The following TANC2 variants were observed in gnomAD, a reference collection of about 807,000 sequenced individuals.
TANC2 encodes protein TANC2.
TANC2 carries 26 observed loss-of-function variants against 210.5 expected under a neutral mutation model. That is an observed-to-expected ratio of 0.12 (90% CI 0.09 to 0.17). The LOEUF (loss-of-function observed/expected upper bound fraction) is 0.17. Among genes scored for constraint, TANC2 ranks in the 10% least tolerant of loss-of-function variants. The pLI is 1.00. For missense variants in TANC2, 2,129 were observed against 2,608.9 expected (o/e 0.82, Z 4.01); for synonymous variants, 931 against 967.1 (o/e 0.96, Z 0.69).
rs982898197 is a variant in TANC2, at chr17:62,966,657, C to T, written c.-116C>T. Among the ~76,000 whole-genome samples the T allele has an allele frequency of 1.3e-5, 2 of 151,826 alleles. No individual in the cohort carries two copies. The highest frequency in any genetic ancestry group is 2.4e-5 in the African/African-American group (1 of 41,380). On this transcript the variant is annotated 5_prime_UTR_variant, in exon 1 of 28. Transcript: ENST00000689528. This position sits in a 1 kb window ranked among gnomAD's most constrained non-coding sequence, Gnocchi z 5.1. ...GAGGACTGCGAGGTGCTCCGGGAAT[C>T]GCGGGCGGCGCCGGCGGGCGGCGCG...
intron 14 of TANC2, among the ~76,000 whole-genome samples, chr17:63,358,376 A>AGAGAGAGAGT (rs1470682571): frequency 1.2e-5 from 1 of 80,940 alleles, no homozygotes; most frequent in African/African-American, 3.7e-5. Flanking sequence ...AGAGAGAGAG[A>AGAGAGAGAGT]GTATGTGTGT....
chr17:63,076,926 A>G (rs745933759), intron 3 of TANC2, among the ~76,000 whole-genome samples: 2 of 152,234 alleles, frequency 1.3e-5, no homozygotes, highest in African/African-American at 2.4e-5. Flanking sequence ...CAGGAATTTC[A>G]GTATTCAAAT....
Position 63,026,873 on chromosome 17 carries a change from G to T in TANC2, c.67+17247G>T, listed in dbSNP as rs150338704. On this transcript the variant is annotated intron_variant, in intron 2 of 27. Transcript: ENST00000689528. ...CTGTACTGCAATATTTTAGCCTAAA[G>T]ATTTATTCCCTGATCATCTACTTTC... Among the ~76,000 whole-genome samples, 314 of 152,210 alleles carry T rather than the reference G, an allele frequency of 2.1e-3. 1 individual carries two copies. The highest frequency in any genetic ancestry group is 3.5e-3 in the Non-Finnish European group (238 of 67,992).
At chr17:63,293,649 A>G (rs1411728115) in intron 9 of TANC2, among the ~76,000 whole-genome samples, 1 of 151,990 alleles carries the variant, frequency 6.6e-6, no homozygotes, top group Non-Finnish European at 1.5e-5. Context: ...TTATATTTGC[A>G]TTTGACTGGA....
chr17:63,193,934 A>G, intron 5 of TANC2, 57 bp from the exon 6 acceptor site: 2 of 1,497,880 alleles, frequency 1.3e-6, no homozygotes, highest in Non-Finnish European at 1.8e-6. Context: ...AAATAGTTGC[A>G]GAACTAGACC....
chr17:62,987,718 A>C (rs1218366214), intron 1 of TANC2, among the ~76,000 whole-genome samples: 1 of 152,112 alleles, frequency 6.6e-6, no homozygotes, highest in Non-Finnish European at 1.5e-5. Flanking sequence ...TTCACACCCT[A>C]CTGTACCCCA....
At chr17:63,000,700 C>T (rs2033332713) in intron 1 of TANC2, among the ~76,000 whole-genome samples, 1 of 152,130 alleles carries the variant, frequency 6.6e-6, no homozygotes, top group Non-Finnish European at 1.5e-5. Context: ...ATGATTCCTC[C>T]TGAGAGAGTG....
chr17:63,015,530 A>G (rs1309890024), intron 2 of TANC2, among the ~76,000 whole-genome samples: 1 of 151,172 alleles, frequency 6.6e-6, no homozygotes, highest in Non-Finnish European at 1.5e-5. Context: ...ATGTGTTCTC[A>G]TTGTTCAATT....
At chr17:63,283,374 A>T (rs2044119546) in intron 9 of TANC2, among the ~76,000 whole-genome samples, 1 of 151,888 alleles carries the variant, frequency 6.6e-6, no homozygotes, top group African/African-American at 2.4e-5. Flanking sequence ...CTTTATAGTA[A>T]ATCTTGAAAT....
Position 63,421,621 on chromosome 17 carries a change from C to T in TANC2, c.5891C>T (p.Thr1964Met), listed in dbSNP as rs749349700. 18 of 1,613,924 alleles carry T rather than the reference C, an allele frequency of 1.1e-5. No individual in the cohort carries two copies. The South Asian group carries it at 1.5e-4, about 14-fold the overall frequency. Residue 1964 changes from threonine to methionine, a missense_variant, in exon 28 of 28, where the codon ACG (threonine) becomes ATG (methionine). Thr to Met is a moderately conservative substitution (Grantham distance 81, BLOSUM62 -1). Around this residue, in one of 5 missense-constraint regions of TANC2, gnomAD observed 161 missense variants for 178.6 expected, o/e 0.90. Transcript: ENST00000689528. This position sits in a 1 kb window ranked among gnomAD's most constrained non-coding sequence, Gnocchi z 6.9. ...TCTGTGGACACCGTCCTCAGTCCCA[C>T]GTCTCCAGGCAACCTGCCTCAGCCT... is the stretch of plus-strand genomic sequence containing the variant.
At chr17:63,315,859 A>C (rs2045297911) in intron 10 of TANC2, among the ~76,000 whole-genome samples, 1 of 152,214 alleles carries the variant, frequency 6.6e-6, no homozygotes, top group South Asian at 2.1e-4. Flanking sequence ...TCTTGGAAGA[A>C]AACTGAATCA....
At chr17:63,347,684 T>C (rs2046458875) in intron 12 of TANC2, among the ~76,000 whole-genome samples, 1 of 152,196 alleles carries the variant, frequency 6.6e-6, no homozygotes, top group Non-Finnish European at 1.5e-5. Flanking sequence ...ACCCACATGC[T>C]CATATAAAAC....
At chr17:63,377,833 G>A (rs2047474789) in intron 14 of TANC2, among the ~76,000 whole-genome samples, 1 of 152,162 alleles carries the variant, frequency 6.6e-6, no homozygotes, top group Admixed American at 6.6e-5. Context: ...GACTCACATG[G>A]CTGGGGAGGC....
chr17:63,130,041 C>A (rs2038861208), intron 4 of TANC2, among the ~76,000 whole-genome samples: 1 of 151,832 alleles, frequency 6.6e-6, no homozygotes, highest in South Asian at 2.1e-4. Context: ...CCAATTAGAT[C>A]AAAAAAATTA....
At position 63,420,276 on chromosome 17, in the gene TANC2, C is replaced by T. The variant is rs756059493; in HGVS notation, c.4546C>T (p.Arg1516Trp). ...TTCCATTGGCCTCCAGACAGAGGCC[C>T]GGCCCAGCCAGGGGCTCCCGGTCAT... Residue 1516 changes from arginine to tryptophan, a missense_variant, in exon 28 of 28, where the codon CGG becomes TGG. By Grantham distance (101) the Arg-to-Trp change is moderately radical (BLOSUM62 -3). This residue lies in a region of TANC2 where 584 missense variants were observed against 627.3 expected (regional missense o/e 0.93). Transcript: ENST00000689528. This position sits in a 1 kb window ranked among gnomAD's most constrained non-coding sequence, Gnocchi z 4.2. 2.1e-5 allele frequency: 34 copies of T among 1,613,732 alleles called. No homozygotes were observed. Among genetic ancestry groups the T allele is most frequent in the Middle Eastern group, 1.6e-4 (1 of 6,084 alleles).
At position 63,411,494 on chromosome 17, in the gene TANC2, A is replaced by G. The variant is rs2048702028; in HGVS notation, c.3590-17A>G. The G allele has an allele frequency of 1.2e-6, 2 of 1,601,032 alleles. No homozygotes were observed. The highest frequency in any genetic ancestry group is 1.1e-5 in the South Asian group (1 of 88,118). Reference sequence around the variant, plus strand: ...TTCCATGTCTCCTCAGCCCTGTGCTATCACTTGCCTTTGCAGGTGCCTCCA... The same window carrying G: ...TTCCATGTCTCCTCAGCCCTGTGCTGTCACTTGCCTTTGCAGGTGCCTCCA... On this transcript the variant is annotated splice_polypyrimidine_tract_variant and intron_variant, in intron 21 of 27. Coordinates refer to ENST00000689528, the Ensembl canonical transcript of TANC2.
chr17:63,237,992 C>A (rs2042668830), exon 8 of TANC2: 1 of 1,577,278 alleles, frequency 6.3e-7, no homozygotes, highest in Admixed American at 1.8e-5. Flanking sequence ...TGAATAAGAT[C>A]CCAGAGAGAA....
chr17:63,383,338 C>T (rs2047673159), intron 15 of TANC2, among the ~76,000 whole-genome samples: 1 of 152,144 alleles, frequency 6.6e-6, no homozygotes, highest in Non-Finnish European at 1.5e-5. Flanking sequence ...CACTAAAATT[C>T]CTTTATCCGC....
chr17:63,091,282 G>A (rs1208975330), intron 3 of TANC2, among the ~76,000 whole-genome samples: 1 of 152,118 alleles, frequency 6.6e-6, no homozygotes, highest in East Asian at 1.9e-4. Context: ...TGAAGTCCTT[G>A]ACCATGCCTG....
Sources: allele counts gnomAD v4.1 joint callset (sites outside exome capture counted in the v4.1 genomes callset), GRCh38; gene constraint gnomAD v4.1.1; regional missense constraint gnomAD v4.1.1; non-coding constraint Gnocchi (gnomAD v3.1); transcripts MANE v1.5; gene names NCBI Gene and HGNC (gene_info 2026-07-23, HGNC 2026-07-21).